CSMD3: variants seen among roughly 807,000 people sequenced by gnomAD.
The protein encoded by CSMD3 is CUB and sushi domain-containing protein 3.
CSMD3 carries 177 observed loss-of-function variants against 435.2 expected under a neutral mutation model. That is an observed-to-expected ratio of 0.41 (90% CI 0.36 to 0.46). The LOEUF (loss-of-function observed/expected upper bound fraction) is 0.46. CSMD3 is among the 20% of genes least tolerant of loss of function. The pLI is 0.34. For missense variants in CSMD3, 4,265 were observed against 4,504.6 expected, an observed-to-expected ratio of 0.95 and a Z score of 1.52; for synonymous variants, 1,656 against 1,520.5, an observed-to-expected ratio of 1.09 and a Z score of -2.07.
chr8:112,861,737 G>T lies in CSMD3; in HGVS notation c.1634-2471C>A, dbSNP rs2080832668. ...AGGAATGTAGCGTGAAAGAGTCTAAGACCTTTATAGAAATGAGAAATTTAT... is the reference window on the plus strand; with the variant it reads ...AGGAATGTAGCGTGAAAGAGTCTAATACCTTTATAGAAATGAGAAATTTAT... On this transcript the variant is annotated intron_variant, in intron 10 of 70. Transcript: ENST00000297405. Among the ~76,000 whole-genome samples, 3 of 151,842 alleles carry T rather than the reference G, an allele frequency of 2.0e-5. No individual in the cohort carries two copies. In the South Asian group the frequency reaches 6.2e-4, roughly 31 times the overall value.
chr8:113,089,565 G>A (rs2089930853), intron 5 of CSMD3, among the ~76,000 whole-genome samples: 1 of 152,100 alleles, frequency 6.6e-6, no homozygotes, highest in Non-Finnish European at 1.5e-5. Context: ...TTTATTGCAA[G>A]AGAGATAATA....
At chr8:112,811,108 C>A (rs945304534) in intron 12 of CSMD3, among the ~76,000 whole-genome samples, 1 of 151,864 alleles carries the variant, frequency 6.6e-6, no homozygotes, top group Admixed American at 6.6e-5. Flanking sequence ...CTGATAATTA[C>A]CTTGCTTTGT....
chr8:113,254,289 T>C (rs1011001634), intron 3 of CSMD3, among the ~76,000 whole-genome samples: 1 of 152,172 alleles, frequency 6.6e-6, no homozygotes, highest in Non-Finnish European at 1.5e-5. Flanking sequence ...GCCTAAAAAA[T>C]TGAGCTACAG....
At chr8:113,314,529 G>A (rs2132668518) in intron 2 of CSMD3, 42 bp downstream of exon 2, 1 of 1,199,240 alleles carries the variant, frequency 8.3e-7, no homozygotes. Flanking sequence ...CTTTTACCCA[G>A]GAAATATTTT....
chr8:113,173,851 A>C lies in CSMD3; in HGVS notation c.580T>G (p.Phe194Val). The C allele has an allele frequency of 6.2e-7, 1 of 1,613,950 alleles. No individual in the cohort carries two copies. Among genetic ancestry groups the C allele is most frequent in the Non-Finnish European group, 8.5e-7 (1 of 1,179,880 alleles). ...PPKGVLYGTR[F>V]DVGDKIRYSC... ...TAGCGGATCTTGTCCCCGACGTCGA[A>C]TCTTGTGCCATATAATACACCTTTG... The change falls in exon 4 of 71, where the codon TTC becomes GTC. Residue 194 changes from phenylalanine to valine, a missense_variant. This residue lies in a region of CSMD3 where 731 missense variants were observed against 755.4 expected (regional missense o/e 0.97). Transcript: ENST00000297405.
chr8:112,442,288 C>A (rs910773110), intron 32 of CSMD3, among the ~76,000 whole-genome samples: 2 of 152,162 alleles, frequency 1.3e-5, no homozygotes, highest in Non-Finnish European at 2.9e-5. Context: ...TATACCCCAC[C>A]TCCAATATTG....
Position 112,506,450 on chromosome 8 carries a change from G to A in CSMD3, c.4895+241C>T, listed in dbSNP as rs557532104. Among the ~76,000 whole-genome samples the A allele has an allele frequency of 9.9e-5, 15 of 152,198 alleles. No homozygotes were observed. The East Asian group carries it at 1.9e-3, about 20-fold the overall frequency. Reference sequence around the variant, plus strand: ...AATGAAATCTTCAGGGAAAGAGGCTGGGTTTTGTGATGCCAGCTGTTAGCT... The same window carrying A: ...AATGAAATCTTCAGGGAAAGAGGCTAGGTTTTGTGATGCCAGCTGTTAGCT... On this transcript the variant is annotated intron_variant, in intron 29 of 70. Transcript: ENST00000297405.
At chr8:112,905,661 A>C (rs1404005744) in intron 10 of CSMD3, among the ~76,000 whole-genome samples, 1 of 151,448 alleles carries the variant, frequency 6.6e-6, no homozygotes, top group Non-Finnish European at 1.5e-5. Context: ...TCTTTCCTAT[A>C]ATGCAACTTA....
chr8:113,237,871 T>TA (rs2093167561), intron 3 of CSMD3, among the ~76,000 whole-genome samples: 2 of 151,864 alleles, frequency 1.3e-5, no homozygotes, highest in African/African-American at 4.8e-5. Flanking sequence ...GGTCAGGAGT[T>TA]AGAGACCAGC....
At chr8:113,118,882 G>T (rs1370102439) in intron 4 of CSMD3, among the ~76,000 whole-genome samples, 1 of 152,112 alleles carries the variant, frequency 6.6e-6, no homozygotes, top group African/African-American at 2.4e-5. Flanking sequence ...CAGTCGCATA[G>T]ATTTCATTTC....
At chr8:112,421,172 C>A (rs1303124545) in intron 32 of CSMD3, among the ~76,000 whole-genome samples, 2 of 121,864 alleles carry the variant, frequency 1.6e-5, no homozygotes, top group Non-Finnish European at 1.9e-5. Flanking sequence ...GTCATGTTTG[C>A]ACATTTTTTT....
chr8:112,550,964 G>A (rs964353262), intron 26 of CSMD3, 91 bp from the exon 27 acceptor site: 2 of 863,010 alleles, frequency 2.3e-6, no homozygotes, highest in East Asian at 2.6e-5. Context: ...CCTTTTACTA[G>A]ATAGTTCTTT....
chr8:113,391,850 A>T (rs1184927199), intron 1 of CSMD3, among the ~76,000 whole-genome samples: 2 of 152,068 alleles, frequency 1.3e-5, no homozygotes, highest in African/African-American at 4.8e-5. Context: ...GGAAGTAAAA[A>T]GGAAGAGAAA....
chr8:113,210,969 C>T (rs2092827816), intron 3 of CSMD3, among the ~76,000 whole-genome samples: 1 of 152,088 alleles, frequency 6.6e-6, no homozygotes, highest in Non-Finnish European at 1.5e-5. Flanking sequence ...GTCCACATTT[C>T]ACTGCCTCCC....
chr8:112,420,373 T>A (rs942134784), intron 32 of CSMD3, among the ~76,000 whole-genome samples: 3 of 152,192 alleles, frequency 2.0e-5, no homozygotes, highest in African/African-American at 7.2e-5. Flanking sequence ...ATAAAAACTT[T>A]AAAAAATAGC....
At chr8:112,296,084 G>T in intron 53 of CSMD3, 78 bp from the exon 54 acceptor site, 2 of 1,159,426 alleles carry the variant, frequency 1.7e-6, no homozygotes, top group Non-Finnish European at 1.3e-6. Context: ...TGGAACATGA[G>T]CAAACCTTTA....
At chr8:112,970,693 G>A (rs2084618209) in intron 7 of CSMD3, among the ~76,000 whole-genome samples, 1 of 150,018 alleles carries the variant, frequency 6.7e-6, no homozygotes, top group Non-Finnish European at 1.5e-5. Flanking sequence ...TAATTTACTA[G>A]TTTCAAACAT....
chr8:113,322,570 A>T (rs1563697832), intron 1 of CSMD3, among the ~76,000 whole-genome samples: 1 of 152,206 alleles, frequency 6.6e-6, no homozygotes, highest in Non-Finnish European at 1.5e-5. Flanking sequence ...AAACTGCTCC[A>T]GCTTTTTTAA....
At chr8:112,261,310 T>C (rs1434861368) in intron 61 of CSMD3, among the ~76,000 whole-genome samples, 1 of 152,118 alleles carries the variant, frequency 6.6e-6, no homozygotes, top group Non-Finnish European at 1.5e-5. Flanking sequence ...GTCTATAAAA[T>C]ACATAACTTG....
Sources: allele counts gnomAD v4.1 joint callset (sites outside exome capture counted in the v4.1 genomes callset), GRCh38; gene constraint gnomAD v4.1.1; regional missense constraint gnomAD v4.1.1; transcripts MANE v1.5; gene names NCBI Gene and HGNC (gene_info 2026-07-23, HGNC 2026-07-21).